The following SIN3B variants were observed in gnomAD, a reference collection of about 807,000 sequenced individuals.
SIN3B encodes the protein SIN3 transcription regulator family member B.
In SIN3B, 19 loss-of-function variants were observed where a neutral mutation model predicts 120.2. That is an observed-to-expected ratio of 0.16 (90% CI 0.11 to 0.23). The LOEUF is 0.23. SIN3B is among the 10% of genes least tolerant of loss of function. The probability of loss-of-function intolerance (pLI) is 1.00; values close to 1 mark genes in which losing one functional copy is unlikely to be tolerated. For missense variants in SIN3B, 1,073 were observed against 1,573.0 expected (o/e 0.68, Z 5.38); for synonymous variants, 654 against 653.2 (o/e 1.00, Z -0.02).
At chr19:16,857,515 A>AAATG (rs1491555514) in intron 8 of SIN3B, among the ~76,000 whole-genome samples, 1 of 62,162 alleles carries the variant, frequency 1.6e-5, no homozygotes, top group South Asian at 5.4e-4. Flanking sequence ...CTTAAAAAAA[A>AAATG]TATGTGTGTG....
chr19:16,872,934 G>C (rs1172059110), intron 14 of SIN3B, among the ~76,000 whole-genome samples: 3 of 152,176 alleles, frequency 2.0e-5, no homozygotes, highest in Admixed American at 1.3e-4. Flanking sequence ...CATGGGCGGT[G>C]CCCCGTGGGT....
chr19:16,878,710 C>T lies in SIN3B; in HGVS notation c.3376C>T (p.Arg1126Cys), dbSNP rs769827934. The T allele has an allele frequency of 2.9e-5, 47 of 1,601,610 alleles. No individual in the cohort carries two copies. Among genetic ancestry groups the T allele is most frequent in the Middle Eastern group, 3.8e-4 (2 of 5,200 alleles). ...CCGCTACCGCGTGCAGTACAGCCGC[C>T]GCCCGGCCTCGCCCTGACCCGCCCT... ...VTRYRVQYSR[R>C]PASP Residue 1126 changes from arginine to cysteine, a missense_variant, in exon 19 of 19, where the codon CGC becomes TGC. Around this residue, in one of 7 missense-constraint regions of SIN3B, gnomAD observed 311 missense variants for 400.3 expected, o/e 0.78. Transcript: ENST00000248054.
At chr19:16,842,034 T>C in intron 4 of SIN3B, 66 bp downstream of exon 4, 6 of 1,266,322 alleles carry the variant, frequency 4.7e-6, no homozygotes, top group Non-Finnish European at 6.8e-6. Context: ...CCTGCAGATA[T>C]TCAGATTTTC....
At chr19:16,839,849 T>C (rs1198414662) in intron 3 of SIN3B, among the ~76,000 whole-genome samples, 1 of 152,128 alleles carries the variant, frequency 6.6e-6, no homozygotes, top group African/African-American at 2.4e-5. Context: ...AAACCCCATC[T>C]CTACTAAAAA....
intron 3 of SIN3B, among the ~76,000 whole-genome samples, chr19:16,840,011 A>G (rs1971397037): frequency 1.3e-5 from 2 of 152,142 alleles, no homozygotes; most frequent in African/African-American, 4.8e-5. Context: ...CTCAAAACAA[A>G]AAGAACAAAT....
chr19:16,839,626 C>T (rs1217579069), intron 3 of SIN3B, among the ~76,000 whole-genome samples: 1 of 152,146 alleles, frequency 6.6e-6, no homozygotes, highest in African/African-American at 2.4e-5. Flanking sequence ...TCGTTCCGAC[C>T]CCTTCTGCCA....
rs2051668608 is a variant in SIN3B at position 16,879,686 on chromosome 19, C to T, written c.*959C>T. 6.6e-6 allele frequency: 1 copy of T among 152,262 alleles called. No individual in the cohort carries two copies. The highest frequency in any genetic ancestry group is 2.4e-5 in the African/African-American group (1 of 41,438). 9.4% of individuals were successfully genotyped at this position (152,262 alleles called of 1,614,324 possible). A position where few individuals can be genotyped will look rare whatever the true frequency, so the allele number is the denominator to read the frequency against. ...CACCCAAGGAGCCCCATCCGCCCAC[C>T]CACCCTGGGACCCACGCGGCCACTC... On this transcript the variant is annotated 3_prime_UTR_variant, in exon 19 of 19. Coordinates refer to ENST00000248054, the MANE Select transcript of SIN3B (RefSeq NM_001297595.2).
At chr19:16,832,671 A>G (rs1329726354) in intron 3 of SIN3B, among the ~76,000 whole-genome samples, 1 of 151,282 alleles carries the variant, frequency 6.6e-6, no homozygotes, top group Admixed American at 6.6e-5. Context: ...CAGCTAATTT[A>G]TTTATTTTTT....
chr19:16,863,880 G>T, intron 10 of SIN3B, 84 bp downstream of exon 10: 2 of 940,692 alleles, frequency 2.1e-6, no homozygotes, highest in Non-Finnish European at 3.4e-6. Flanking sequence ...CTCCTCCACT[G>T]CCCCAGTCTC....
In SIN3B at chr19:16,865,316, C is replaced by A. The variant is rs552732362; in HGVS notation, c.1384-94C>A. ...CTCTTAAATACACACACCCCCCCCCCAAAAAAATCCTCTGGTCTCTGAGGT... is the reference window on the plus strand; with the variant it reads ...CTCTTAAATACACACACCCCCCCCCAAAAAAAATCCTCTGGTCTCTGAGGT... On this transcript the variant is annotated intron_variant, in intron 10 of 18. Transcript: ENST00000248054. 695 of 543,622 alleles carry A rather than the reference C, an allele frequency of 1.3e-3. 8 individuals carry two copies. Among genetic ancestry groups the A allele is most frequent in the African/African-American group, 5.4e-3 (261 of 48,674 alleles). 33.7% of individuals were successfully genotyped at this position (543,622 alleles called of 1,614,324 possible).
At chr19:16,878,463 C>A in intron 18 of SIN3B, 34 bp from the exon 19 acceptor site, 1 of 1,564,034 alleles carries the variant, frequency 6.4e-7, no homozygotes, top group Non-Finnish European at 8.7e-7. Flanking sequence ...GGGGTCCAGC[C>A]CTCAGCTGCC....
intron 3 of SIN3B, among the ~76,000 whole-genome samples, chr19:16,839,996 T>G (rs1971396762): frequency 6.6e-6 from 1 of 152,030 alleles, no homozygotes; most frequent in South Asian, 2.1e-4. Context: ...AGAGCAAGAC[T>G]CCATCTCAAA....
In SIN3B at chr19:16,861,932, C is replaced by A. The variant is rs557820379; in HGVS notation, c.1059-420C>A. On this transcript the variant is annotated intron_variant, in intron 8 of 18. Coordinates refer to ENST00000248054, the MANE Select transcript of SIN3B (RefSeq NM_001297595.2). ...CCTGGGCAACAGAGTAAGACACTAT[C>A]TCTAAAAAGAAAATACCAAACCAAA... 2.0e-5 allele frequency among the ~76,000 whole-genome samples: 3 copies of A among 152,256 alleles called. No individual in the cohort carries two copies. In the South Asian group the frequency reaches 6.2e-4, roughly 32 times the overall value.
chr19:16,864,155 G>A (rs1426255239), intron 10 of SIN3B, among the ~76,000 whole-genome samples: 1 of 152,008 alleles, frequency 6.6e-6, no homozygotes, highest in African/African-American at 2.4e-5. Flanking sequence ...TTAGCCGGGC[G>A]TGGTGGCGGG....
chr19:16,870,881 G>A (rs931976322), intron 13 of SIN3B, among the ~76,000 whole-genome samples: 112 of 152,148 alleles, frequency 7.4e-4, no homozygotes, highest in African/African-American at 2.6e-3. Context: ...AATAGAGACA[G>A]GATTTCACCA....
intron 13 of SIN3B, among the ~76,000 whole-genome samples, chr19:16,870,834 A>G (rs1568425675): frequency 6.6e-6 from 1 of 152,154 alleles, no homozygotes; most frequent in Non-Finnish European, 1.5e-5. Context: ...GATTACAGGC[A>G]TGAGCCACCG....
At chr19:16,831,781 T>G (rs1971282179) in intron 3 of SIN3B, 134 bp downstream of exon 3, 3 of 719,318 alleles carry the variant, frequency 4.2e-6, no homozygotes, top group Non-Finnish European at 7.0e-6. Context: ...GACGTGCTCA[T>G]TGCTTCTAGC....
At chr19:16,866,667 C>A in intron 12 of SIN3B, 111 bp downstream of exon 12, 1 of 1,067,052 alleles carries the variant, frequency 9.4e-7, no homozygotes, top group Non-Finnish European at 1.4e-6. Context: ...TGGCATTGCC[C>A]TTTCAGGGCT....
chr19:16,829,974 C>CA, intron 2 of SIN3B, 77 bp downstream of exon 2: 1 of 935,094 alleles, frequency 1.1e-6, no homozygotes, highest in Non-Finnish European at 1.7e-6. Context: ...GACCTCCCCT[C>CA]TCCAGCCTGC....
Sources: allele counts gnomAD v4.1 joint callset (sites outside exome capture counted in the v4.1 genomes callset), GRCh38; gene constraint gnomAD v4.1.1; regional missense constraint gnomAD v4.1.1; transcripts MANE v1.5; gene names NCBI Gene and HGNC (gene_info 2026-07-23, HGNC 2026-07-21).